ESR1: variants seen among roughly 807,000 people sequenced by gnomAD.
The protein encoded by ESR1 is estrogen receptor 1.
ESR1 carries 12 observed loss-of-function variants against 52.7 expected under a neutral mutation model. The observed-to-expected ratio is 0.23, with a 90% CI of 0.15 to 0.37. The LOEUF (loss-of-function observed/expected upper bound fraction) is 0.37, where lower values mean the gene tolerates loss of function less well. Among genes scored for constraint, ESR1 ranks in the 10% least tolerant of loss-of-function variants. The pLI is 1.00. For missense variants in ESR1, 584 were observed against 779.7 expected, an observed-to-expected ratio of 0.75 and a Z score of 2.99; for synonymous variants, 305 against 316.8, an observed-to-expected ratio of 0.96 and a Z score of 0.39.
chr6:152,060,503 T>C (rs191836827), intron 5 of ESR1, among the ~76,000 whole-genome samples: 127 of 152,340 alleles, frequency 8.3e-4, no homozygotes, highest in Non-Finnish European at 1.5e-3. Context: ...CCCATAGTTA[T>C]TGTAGTTGTT....
chr6:151,905,391 C>T (rs1226423337), intron 3 of ESR1, among the ~76,000 whole-genome samples: 2 of 152,170 alleles, frequency 1.3e-5, no homozygotes, highest in Non-Finnish European at 2.9e-5. Flanking sequence ...AATATCCGGA[C>T]CATGTGCAAC....
chr6:151,767,353 C>T (rs1055907396), intron 2 of ESR1, among the ~76,000 whole-genome samples: 1 of 152,024 alleles, frequency 6.6e-6, no homozygotes, highest in East Asian at 1.9e-4. Context: ...GCAGATATTC[C>T]CCACCTCCTT....
chr6:151,770,583 A>G (rs538908135), intron 2 of ESR1, among the ~76,000 whole-genome samples: 1 of 152,254 alleles, frequency 6.6e-6, no homozygotes, highest in African/African-American at 2.4e-5. Context: ...GAATCTTCAA[A>G]TTGACCATTT....
intron 4 of ESR1, among the ~76,000 whole-genome samples, chr6:151,955,648 A>C (rs2036819298): frequency 6.6e-6 from 1 of 151,560 alleles, no homozygotes; most frequent in Non-Finnish European, 1.5e-5. Flanking sequence ...AGCATCTGAT[A>C]ATAATAGTAC....
At chr6:151,996,502 C>G (rs1422555547) in intron 4 of ESR1, among the ~76,000 whole-genome samples, 1 of 152,056 alleles carries the variant, frequency 6.6e-6, no homozygotes, top group Non-Finnish European at 1.5e-5. Context: ...GTGGACTCCC[C>G]ACTGATTCAT....
intron 4 of ESR1, among the ~76,000 whole-genome samples, chr6:151,950,098 C>G (rs1354248139): frequency 6.6e-6 from 1 of 152,200 alleles, no homozygotes; most frequent in African/African-American, 2.4e-5. Context: ...CTCTTCTTCT[C>G]TTGTCTGCCA....
At position 151,808,370 on chromosome 6, in the gene ESR1, C is replaced by G; in HGVS notation, c.452+6C>G. The stretch of plus-strand genomic sequence containing the variant: ...GGCCCGCCGGCATTCTACAGGTACC[C>G]GCGCCCGCGCCGCCCGTCGGGGTGG... On this transcript the variant is annotated splice_donor_region_variant and intron_variant, in intron 1 of 7. Transcript: ENST00000206249. The G allele has an allele frequency of 1.4e-6, 2 of 1,419,726 alleles. No homozygotes were observed. Among genetic ancestry groups the G allele is most frequent in the Non-Finnish European group, 9.2e-7 (1 of 1,081,506 alleles). The allele number at this position is 1,419,726 out of a possible 1,614,324, so 87.9% of individuals were successfully genotyped here. A position where few individuals can be genotyped will look rare whatever the true frequency, so the allele number is the denominator to read the frequency against.
At chr6:151,767,587 G>A (rs1785168341) in intron 2 of ESR1, among the ~76,000 whole-genome samples, 1 of 152,186 alleles carries the variant, frequency 6.6e-6, no homozygotes, top group South Asian at 2.1e-4. Flanking sequence ...CAAGATGTCT[G>A]CACTGAATAC....
chr6:151,771,982 T>G (rs1785558431), intron 2 of ESR1, among the ~76,000 whole-genome samples: 1 of 152,114 alleles, frequency 6.6e-6, no homozygotes, highest in Non-Finnish European at 1.5e-5. Flanking sequence ...TCTCAGGAGG[T>G]TGTTTTGAAA....
chr6:152,011,806 G>T lies in ESR1; in HGVS notation c.1235+12G>T. 1 of 1,612,268 alleles carries T rather than the reference G, an allele frequency of 6.2e-7. No individual in the cohort carries two copies. The highest frequency in any genetic ancestry group is 8.5e-7 in the Non-Finnish European group (1 of 1,179,142). On this transcript the variant is annotated intron_variant, in intron 5 of 7. Transcript: ENST00000206249. ...TTGCTCTTGGACAGGTAAGTGACCT[G>T]GCTGTAGCTTAGGAGTAGCATGTTC...
intron 4 of ESR1, among the ~76,000 whole-genome samples, chr6:151,955,438 C>T (rs911939767): frequency 1.3e-5 from 2 of 151,884 alleles, no homozygotes; most frequent in African/African-American, 4.8e-5. Context: ...CTTTCCGTAG[C>T]ATATATAAAA....
upstream of ESR1, among the ~76,000 whole-genome samples, chr6:151,686,737 A>G (rs981594860): frequency 6.9e-6 from 1 of 145,918 alleles, no homozygotes; most frequent in Non-Finnish European, 1.5e-5. Flanking sequence ...ACCAACCAGC[A>G]CCTAGGCCCT....
chr6:151,832,202 G>T (rs1278273211), intron 1 of ESR1, among the ~76,000 whole-genome samples: 1 of 152,162 alleles, frequency 6.6e-6, no homozygotes, highest in Non-Finnish European at 1.5e-5. Flanking sequence ...TGTCATGCAG[G>T]AAACAATTTT....
chr6:152,021,862 G>A (rs1415507255), intron 5 of ESR1, among the ~76,000 whole-genome samples: 1 of 152,070 alleles, frequency 6.6e-6, no homozygotes, highest in Non-Finnish European at 1.5e-5. Flanking sequence ...CCTTTCACTT[G>A]GCTCTCATTC....
chr6:152,062,548 G>A (rs1004484309), intron 6 of ESR1, among the ~76,000 whole-genome samples: 1 of 152,216 alleles, frequency 6.6e-6, no homozygotes, highest in Middle Eastern at 3.2e-3. Context: ...CCACTCACGT[G>A]CATTGTGCTT....
intron 6 of ESR1, among the ~76,000 whole-genome samples, chr6:152,079,008 C>T (rs2048976197): frequency 6.6e-6 from 1 of 152,246 alleles, no homozygotes; most frequent in African/African-American, 2.4e-5. Context: ...CCCACCTCAG[C>T]TCAGCAAGGC....
chr6:151,993,540 T>C (rs1338998549), intron 4 of ESR1, among the ~76,000 whole-genome samples: 1 of 152,186 alleles, frequency 6.6e-6, no homozygotes, highest in Non-Finnish European at 1.5e-5. Context: ...ACATGCCTTG[T>C]TCCCAGACCC....
intron 1 of ESR1, among the ~76,000 whole-genome samples, chr6:151,691,523 C>T (rs531734380): frequency 2.6e-5 from 4 of 152,276 alleles, no homozygotes; most frequent in South Asian, 2.1e-4. Context: ...GCAATTTACT[C>T]GATAGAAGGG....
At chr6:151,826,124 T>C (rs1485974540) in intron 1 of ESR1, among the ~76,000 whole-genome samples, 1 of 152,030 alleles carries the variant, frequency 6.6e-6, no homozygotes, top group East Asian at 1.9e-4. Context: ...TGGTTTGGCT[T>C]TGGCTTCATG....
Sources: gnomAD v4.1 joint callset for allele counts (sites outside exome capture counted in the v4.1 genomes callset) on GRCh38, gnomAD v4.1.1 for gene constraint, MANE v1.5 for transcripts, NCBI Gene and HGNC (gene_info 2026-07-23, HGNC 2026-07-21) for gene names.